Variants in CAMTA1 observed in about 807,000 individuals in gnomAD.
CAMTA1 encodes calmodulin binding transcription activator 1.
Under a neutral mutation model 170.9 loss-of-function variants are expected in CAMTA1, and 27 were observed. The ratio of observed to expected loss-of-function variants is 0.16; its 90% CI spans 0.12 to 0.22. CAMTA1 has a LOEUF of 0.22. CAMTA1 is among the 10% of genes least tolerant of loss of function. The pLI, the probability that CAMTA1 is intolerant of heterozygous loss-of-function variation, is 1.00. For missense variants in CAMTA1, 1,619 were observed against 2,217.2 expected, an observed-to-expected ratio of 0.73 and a Z score of 5.42; for synonymous variants, 833 against 891.5, an observed-to-expected ratio of 0.93 and a Z score of 1.17.
At chr1:7,662,969 T>C (rs898391858) in intron 8 of CAMTA1, among the ~76,000 whole-genome samples, 1 of 152,186 alleles carries the variant, frequency 6.6e-6, no homozygotes, top group Non-Finnish European at 1.5e-5. Flanking sequence ...GCTGATCCCC[T>C]CTTGCCAGCA....
At chr1:7,032,147 G>A (rs945758054) in intron 3 of CAMTA1, among the ~76,000 whole-genome samples, 1 of 151,978 alleles carries the variant, frequency 6.6e-6, no homozygotes, top group Non-Finnish European at 1.5e-5. Flanking sequence ...TGCATTTTTA[G>A]TAGAGACAGG....
intron 5 of CAMTA1, among the ~76,000 whole-genome samples, chr1:7,363,247 T>C (rs766962257): frequency 6.6e-6 from 1 of 152,234 alleles, no homozygotes; most frequent in Non-Finnish European, 1.5e-5. Flanking sequence ...GTGATTAATA[T>C]CTCTTTTAAT....
At chr1:6,923,636 C>A (rs1453598677) in intron 3 of CAMTA1, among the ~76,000 whole-genome samples, 2 of 152,094 alleles carry the variant, frequency 1.3e-5, no homozygotes, top group Non-Finnish European at 2.9e-5. Context: ...AGGGCAGCCA[C>A]ACTGGTGGTT....
chr1:7,760,709 A>C (rs1035392491), intron 22 of CAMTA1, among the ~76,000 whole-genome samples: 1 of 152,190 alleles, frequency 6.6e-6, no homozygotes, highest in Non-Finnish European at 1.5e-5. Context: ...AATCCAAATG[A>C]GATTTCTGGA....
chr1:7,339,251 G>A (rs965141965), intron 5 of CAMTA1, among the ~76,000 whole-genome samples: 2 of 152,228 alleles, frequency 1.3e-5, no homozygotes, highest in Admixed American at 1.3e-4. Flanking sequence ...CCACTCCATT[G>A]TATGCTCCAA....
At chr1:7,358,874 C>T (rs989386070) in intron 5 of CAMTA1, among the ~76,000 whole-genome samples, 16 of 152,084 alleles carry the variant, frequency 1.1e-4, no homozygotes, top group African/African-American at 3.6e-4. Flanking sequence ...TCTCCTCAGC[C>T]CCATGCCAAG....
intron 5 of CAMTA1, among the ~76,000 whole-genome samples, chr1:7,298,043 A>G (rs932169038): frequency 6.6e-6 from 1 of 152,050 alleles, no homozygotes; most frequent in Non-Finnish European, 1.5e-5. Flanking sequence ...TTGAAATAAA[A>G]TTGAGTCAAA....
intron 4 of CAMTA1, among the ~76,000 whole-genome samples, chr1:7,244,935 T>C (rs1201477744): frequency 6.6e-6 from 1 of 151,762 alleles, no homozygotes; most frequent in Non-Finnish European, 1.5e-5. Flanking sequence ...AATTAATTAA[T>C]TAACTTCGGA....
At chr1:7,142,100 T>C (rs1361286095) in intron 4 of CAMTA1, 1 of 518,722 alleles carries the variant, frequency 1.9e-6, no homozygotes, top group Non-Finnish European at 3.8e-6. Context: ...GTACCCCTTC[T>C]GTTACTTTGT....
At chr1:7,604,450 C>T (rs1193384828) in intron 6 of CAMTA1, among the ~76,000 whole-genome samples, 1 of 152,096 alleles carries the variant, frequency 6.6e-6, no homozygotes, top group Non-Finnish European at 1.5e-5. Flanking sequence ...TCACTGATAC[C>T]CTTTCTTCCA....
chr1:6,785,480 G>T lies in CAMTA1; in HGVS notation c.-51G>T, dbSNP rs1159711799. 9.9e-7 allele frequency: 1 copy of T among 1,014,796 alleles called. No individual in the cohort carries two copies. The highest frequency in any genetic ancestry group is 1.2e-6 in the Non-Finnish European group (1 of 842,842). The allele number at this position is 1,014,796 out of a possible 1,614,324, so 62.9% of individuals were successfully genotyped here. A position where few individuals can be genotyped will look rare whatever the true frequency, so the allele number is the denominator to read the frequency against. ...GCGGCGGGGTGGCTGGGCCGGCGGC[G>T]GCGGCGGTACGAGGCGCGCGCTCGG... On this transcript the variant is annotated 5_prime_UTR_variant, in exon 1 of 23. Transcript: ENST00000303635.
At chr1:7,667,165 G>C (rs575794965) in intron 9 of CAMTA1, among the ~76,000 whole-genome samples, 120 of 151,946 alleles carry the variant, frequency 7.9e-4, no homozygotes, top group Non-Finnish European at 1.2e-3. Flanking sequence ...CTGGGATTTC[G>C]GGCATGAGCC....
chr1:6,967,759 G>A (rs1557899875), intron 3 of CAMTA1, among the ~76,000 whole-genome samples: 1 of 152,216 alleles, frequency 6.6e-6, no homozygotes, highest in African/African-American at 2.4e-5. Context: ...GCTGAAGGCT[G>A]AGAGTGATAT....
At chr1:7,242,753 C>A (rs550268408) in intron 4 of CAMTA1, among the ~76,000 whole-genome samples, 1 of 149,030 alleles carries the variant, frequency 6.7e-6, no homozygotes, top group South Asian at 2.1e-4. Context: ...ACAGTGAAAC[C>A]CCGTCTCTAC....
At chr1:7,097,440 G>A (rs1301716217) in intron 4 of CAMTA1, among the ~76,000 whole-genome samples, 1 of 152,210 alleles carries the variant, frequency 6.6e-6, no homozygotes, top group Non-Finnish European at 1.5e-5. Context: ...CCTATGAGCT[G>A]AGGCCTCTGC....
At chr1:7,512,335 C>T (rs2094212361) in intron 6 of CAMTA1, among the ~76,000 whole-genome samples, 1 of 152,136 alleles carries the variant, frequency 6.6e-6, no homozygotes, top group African/African-American at 2.4e-5. Flanking sequence ...CCAGACAAGG[C>T]CTGTAAGGGG....
chr1:7,081,828 A>G (rs1212716908), intron 3 of CAMTA1, among the ~76,000 whole-genome samples: 1 of 152,204 alleles, frequency 6.6e-6, no homozygotes, highest in East Asian at 1.9e-4. Flanking sequence ...CCTGACCTTC[A>G]ATCTTTAAAC....
At chr1:7,015,946 C>T (rs188011896) in intron 3 of CAMTA1, among the ~76,000 whole-genome samples, 43 of 152,272 alleles carry the variant, frequency 2.8e-4, no homozygotes, top group Admixed American at 2.1e-3. Flanking sequence ...TTCAAACAGC[C>T]GGATCTCCTG....
At chr1:7,737,749 C>G (rs1014039828) in intron 15 of CAMTA1, among the ~76,000 whole-genome samples, 179 bp downstream of exon 15, 3 of 152,110 alleles carry the variant, frequency 2.0e-5, no homozygotes, top group African/African-American at 4.8e-5. Flanking sequence ...AAGAAAGTAG[C>G]AAAAATTCTA....
Sources: allele counts gnomAD v4.1 joint callset (sites outside exome capture counted in the v4.1 genomes callset), GRCh38; gene constraint gnomAD v4.1.1; transcripts MANE v1.5; gene names NCBI Gene and HGNC (gene_info 2026-07-23, HGNC 2026-07-21).